AGBL1: variants seen among roughly 807,000 people sequenced by gnomAD.
The protein encoded by AGBL1 is AGBL carboxypeptidase 1.
A neutral mutation model predicts 118.9 loss-of-function variants in AGBL1; 130 were observed. The observed-to-expected ratio is 1.09, with a 90% confidence interval of 0.95 to 1.26. The LOEUF (loss-of-function observed/expected upper bound fraction) is 1.26. AGBL1 is among the 50% of genes most tolerant of loss of function. The pLI is 0.00. For synonymous variants in AGBL1, 555 were observed against 478.9 expected (o/e 1.16, Z -2.08); for missense variants, 1,584 against 1,298.1 (o/e 1.22, Z -3.38).
At position 86,825,360 on chromosome 15, in the gene AGBL1, G is replaced by A. The variant is rs1474942854; in HGVS notation, c.3159-81727G>A. 2.0e-4 allele frequency among the ~76,000 whole-genome samples: 6 copies of A among 29,770 alleles called. No homozygotes were observed. In the East Asian group the frequency reaches 6.6e-3, roughly 33 times the overall value. 19.5% of individuals were successfully genotyped at this position (29,770 alleles called of 152,430 possible). On this transcript the variant is annotated intron_variant, in intron 22 of 22. Transcript: ENST00000614907. ...TTCTTTTTTGTAAAAGACTCAAAAAGGAGTTGAAAAGACAAGGTAGAAACT... is the reference window on the plus strand; with the variant it reads ...TTCTTTTTTGTAAAAGACTCAAAAAAGAGTTGAAAAGACAAGGTAGAAACT...
chr15:86,533,879 G>A (rs1302968447), intron 19 of AGBL1, among the ~76,000 whole-genome samples: 10 of 88,068 alleles, frequency 1.1e-4, no homozygotes, highest in East Asian at 7.2e-4. Context: ...ACCAAACACC[G>A]CATATTCTCA....
intron 22 of AGBL1, among the ~76,000 whole-genome samples, chr15:86,896,103 C>T (rs2080122194): frequency 6.6e-6 from 1 of 152,012 alleles, no homozygotes. Context: ...AGAGAAAAGG[C>T]TGTTTAATAT....
At chr15:86,541,582 A>G (rs1489321104) in intron 19 of AGBL1, among the ~76,000 whole-genome samples, 1 of 116,428 alleles carries the variant, frequency 8.6e-6, no homozygotes, top group Non-Finnish European at 1.7e-5. Context: ...TGAAAGAGTG[A>G]GACTATGTCT....
chr15:86,298,862 G>T (rs756239936), intron 17 of AGBL1, among the ~76,000 whole-genome samples: 3 of 152,154 alleles, frequency 2.0e-5, no homozygotes, highest in Non-Finnish European at 4.4e-5. Context: ...TCTCAAGGCT[G>T]GTTCCCCTGA....
chr15:86,776,127 A>G (rs1022139411), intron 22 of AGBL1, among the ~76,000 whole-genome samples: 1 of 152,084 alleles, frequency 6.6e-6, no homozygotes, highest in Non-Finnish European at 1.5e-5. Context: ...TGCGCTTGAG[A>G]TTTTCAGGTT....
chr15:86,659,620 G>C (rs2249865), intron 21 of AGBL1, among the ~76,000 whole-genome samples: 1 of 152,130 alleles, frequency 6.6e-6, no homozygotes, highest in African/African-American at 2.4e-5. Flanking sequence ...TTTGTCAACC[G>C]TAAGATCTAA....
chr15:86,122,797 C>A lies in AGBL1; in HGVS notation c.52-19207C>A, dbSNP rs1464786525. The stretch of plus-strand genomic sequence containing the variant: ...AGTTAATCTGAAAGACTAGTTCAGG[C>A]CATGATGGGAAGTGGGAGTTGAACA... On this transcript the variant is annotated intron_variant, in intron 1 of 22. Coordinates refer to ENST00000614907, the MANE Select transcript of AGBL1 (RefSeq NM_001386094.1). 2.0e-5 allele frequency among the ~76,000 whole-genome samples: 3 copies of A among 152,130 alleles called. No individual in the cohort carries two copies. In the East Asian group the frequency reaches 5.8e-4, roughly 29 times the overall value.
chr15:86,989,487 T>G (rs1021070573), intron 24 of AGBL1, among the ~76,000 whole-genome samples: 8 of 152,274 alleles, frequency 5.3e-5, no homozygotes, highest in African/African-American at 1.9e-4. Flanking sequence ...TTGAAGAGAT[T>G]ATAAGGGTTT....
intron 22 of AGBL1, among the ~76,000 whole-genome samples, chr15:86,756,979 C>T (rs190903562): frequency 2.7e-5 from 4 of 150,608 alleles, no homozygotes; most frequent in South Asian, 4.2e-4. Context: ...CTACTCATTC[C>T]GCTTGTAACT....
intron 5 of AGBL1, among the ~76,000 whole-genome samples, chr15:86,197,170 G>A (rs1471258186): frequency 6.6e-6 from 1 of 152,170 alleles, no homozygotes; most frequent in African/African-American, 2.4e-5. Context: ...TTTGGAACTG[G>A]GTAATGGGTG....
At chr15:86,668,970 G>C (rs895318282) in intron 21 of AGBL1, among the ~76,000 whole-genome samples, 11 of 152,096 alleles carry the variant, frequency 7.2e-5, no homozygotes, top group African/African-American at 2.7e-4. Flanking sequence ...AGCTCAAAAG[G>C]CCTCAAGCCA....
At chr15:86,493,661 C>G (rs538553400) in intron 18 of AGBL1, among the ~76,000 whole-genome samples, 1 of 152,226 alleles carries the variant, frequency 6.6e-6, no homozygotes, top group South Asian at 2.1e-4. Context: ...AGTCCACACA[C>G]TTTCTTCCGT....
At chr15:86,145,870 T>A (rs1221937500) in intron 3 of AGBL1, among the ~76,000 whole-genome samples, 1 of 152,130 alleles carries the variant, frequency 6.6e-6, no homozygotes, top group Non-Finnish European at 1.5e-5. Context: ...CAGACTATGA[T>A]GAGGGCTGTA....
chr15:86,324,897 T>C (rs1012696720), intron 17 of AGBL1, among the ~76,000 whole-genome samples: 1 of 152,082 alleles, frequency 6.6e-6, no homozygotes, highest in African/African-American at 2.4e-5. Context: ...CTCACTAGCA[T>C]GTGAGGAGAC....
At chr15:86,965,796 T>G (rs781249809) in intron 23 of AGBL1, among the ~76,000 whole-genome samples, 2 of 151,448 alleles carry the variant, frequency 1.3e-5, no homozygotes, top group Non-Finnish European at 2.9e-5. Flanking sequence ...TAAGTGGGAG[T>G]TGAACAATGA....
At chr15:86,749,034 C>T (rs1372504260) in intron 22 of AGBL1, among the ~76,000 whole-genome samples, 1 of 151,922 alleles carries the variant, frequency 6.6e-6, no homozygotes, top group Non-Finnish European at 1.5e-5. Context: ...TAGTTTTTTC[C>T]AATTCTGTGA....
intron 22 of AGBL1, among the ~76,000 whole-genome samples, chr15:86,741,825 A>G (rs1417091542): frequency 6.6e-6 from 1 of 152,166 alleles, no homozygotes; most frequent in Non-Finnish European, 1.5e-5. Context: ...AAACAAAAGG[A>G]CAATGCTTAC....
intron 18 of AGBL1, among the ~76,000 whole-genome samples, chr15:86,399,702 T>A (rs990203924): frequency 1.3e-5 from 2 of 152,204 alleles, no homozygotes; most frequent in African/African-American, 4.8e-5. Context: ...GGTTTAAAGG[T>A]TAATGTGATC....
chr15:86,116,384 A>G (rs1897758206), intron 1 of AGBL1, among the ~76,000 whole-genome samples: 1 of 152,166 alleles, frequency 6.6e-6, no homozygotes. Context: ...TGTGATGGCT[A>G]ATGTGTCAGC....
Sources: allele counts gnomAD v4.1 joint callset (sites outside exome capture counted in the v4.1 genomes callset), GRCh38; gene constraint gnomAD v4.1.1; transcripts MANE v1.5; gene names NCBI Gene and HGNC (gene_info 2026-07-23, HGNC 2026-07-21).